Variants in NUP210 observed in about 807,000 individuals in gnomAD.
The protein encoded by NUP210 is nuclear pore membrane glycoprotein 210.
In NUP210, 151 loss-of-function variants were observed where a neutral mutation model predicts 196.0. The ratio of observed to expected loss-of-function variants is 0.77; its 90% CI spans 0.67 to 0.88. NUP210 has a LOEUF of 0.88. Among genes scored for constraint, NUP210 ranks in the 40% least tolerant of loss-of-function variants. The probability of loss-of-function intolerance (pLI) is 0.00; values close to 1 mark genes in which losing one functional copy is unlikely to be tolerated. For synonymous variants in NUP210, 1,070 were observed against 1,052.7 expected (o/e 1.02, Z -0.32); for missense variants, 2,314 against 2,493.7 (o/e 0.93, Z 1.53).
chr3:13,328,870 A>T lies in NUP210; in HGVS notation c.4187T>A (p.Val1396Glu). The T allele has an allele frequency of 6.2e-7, 1 of 1,614,200 alleles. No homozygotes were observed. Among genetic ancestry groups the T allele is most frequent in the Non-Finnish European group, 8.5e-7 (1 of 1,180,018 alleles). ...HTQNKEALVA[V>E]PLGMTVTFTV... ...GAAGGTCACGGTCATTCCCAAAGGCACGGCCACCAGGGCCTCCTTGTTCTG... is the reference window on the plus strand; with the variant it reads ...GAAGGTCACGGTCATTCCCAAAGGCTCGGCCACCAGGGCCTCCTTGTTCTG... The change falls in exon 31 of 40, where the codon GTG becomes GAG. Residue 1396 changes from valine to glutamate, a missense_variant. Coordinates refer to ENST00000254508, the MANE Select transcript of NUP210 (RefSeq NM_024923.4).
chr3:13,341,859 G>C lies in NUP210; in HGVS notation c.3117C>G (p.Asn1039Lys). 1.2e-6 allele frequency: 2 copies of C among 1,614,234 alleles called. No individual in the cohort carries two copies. Among genetic ancestry groups the C allele is most frequent in the Non-Finnish European group, 1.7e-6 (2 of 1,180,040 alleles). ...CGCGGATGAGGAATGTGATGGTGTAGTTGTCAAGGGCTTCATCAAGGGCCC... is the reference window on the plus strand; with the variant it reads ...CGCGGATGAGGAATGTGATGGTGTACTTGTCAAGGGCTTCATCAAGGGCCC... ...TLVALDEALD[N>K]YTITFLIRGV... Residue 1039 changes from asparagine (N) to lysine (K), a missense_variant, in exon 23 of 40, where the codon AAC becomes AAG. Coordinates refer to ENST00000254508, the MANE Select transcript of NUP210 (RefSeq NM_024923.4).
chr3:13,400,191 A>G (rs1468132922), intron 1 of NUP210, among the ~76,000 whole-genome samples: 1 of 152,206 alleles, frequency 6.6e-6, no homozygotes, highest in East Asian at 1.9e-4. Flanking sequence ...GGAGTCGTTC[A>G]GTACCAGCAG....
chr3:13,373,264 G>A (rs1030591509), intron 12 of NUP210, among the ~76,000 whole-genome samples: 2 of 152,202 alleles, frequency 1.3e-5, no homozygotes, highest in East Asian at 1.9e-4. Context: ...ATGTCACTTA[G>A]GGCCAAAAGC....
rs183459460 is a variant in NUP210 at position 13,412,534 on chromosome 3, C to A, written c.167+7526G>T. ...TTCGAGACCAGCCTGGCCAACATGG[C>A]GAAATCCCGTTTCTACTAAAAACAC... On this transcript the variant is annotated intron_variant, in intron 1 of 39. Coordinates refer to ENST00000254508, the MANE Select transcript of NUP210 (RefSeq NM_024923.4). Among the ~76,000 whole-genome samples the A allele has an allele frequency of 4.2e-3, 630 of 151,568 alleles. 4 individuals are homozygous for A. Among genetic ancestry groups the A allele is most frequent in the Non-Finnish European group, 7.0e-3 (472 of 67,824 alleles).
intron 18 of NUP210, 146 bp from the exon 19 acceptor site, chr3:13,352,330 C>A (rs1698007694): frequency 1.6e-6 from 1 of 615,874 alleles, no homozygotes; most frequent in Admixed American, 2.9e-5. Flanking sequence ...TGGCCACAGA[C>A]CCTTTGAGGT....
Position 13,420,044 on chromosome 3 carries a change from C to G in NUP210, c.167+16G>C. On this transcript the variant is annotated intron_variant, in intron 1 of 39. Transcript: ENST00000254508. The surrounding 1 kb of genome is among the most constrained non-coding windows in gnomAD (Gnocchi z 4.8). ...CCCGGCCCACGGCGCCCGCCCGGCCCGGCCGCGCGCCTCACCAGCGGTAGC... is the reference window on the plus strand; with the variant it reads ...CCCGGCCCACGGCGCCCGCCCGGCCGGGCCGCGCGCCTCACCAGCGGTAGC... The G allele has an allele frequency of 8.0e-7, 1 of 1,246,682 alleles. No homozygotes were observed. Among genetic ancestry groups the G allele is most frequent in the East Asian group, 4.3e-5 (1 of 23,474 alleles). The allele number at this position is 1,246,682 out of a possible 1,614,324, so 77.2% of individuals were successfully genotyped here. A position where few individuals can be genotyped will look rare whatever the true frequency, so the allele number is the denominator to read the frequency against.
At chr3:13,335,064 G>A (rs1017609027) in intron 28 of NUP210, among the ~76,000 whole-genome samples, 4 of 152,296 alleles carry the variant, frequency 2.6e-5, no homozygotes, top group South Asian at 2.1e-4. Flanking sequence ...GTGCAAGGGC[G>A]CCCCAGCCTC....
In NUP210 at chr3:13,348,078, C is replaced by T. The variant is rs1334976135; in HGVS notation, c.2835+3801G>A. Among the ~76,000 whole-genome samples the T allele has an allele frequency of 3.9e-5, 6 of 152,244 alleles. No individual in the cohort carries two copies. The South Asian group carries it at 8.3e-4, about 21-fold the overall frequency. ...ACTCTGTGCCACTCAACCAGGCCAG[C>T]GGCCATTCCACAATTCAGAAAGAGA... is the stretch of plus-strand genomic sequence containing the variant. On this transcript the variant is annotated intron_variant, in intron 20 of 39. Transcript: ENST00000254508. This position sits in a 1 kb window ranked among gnomAD's most constrained non-coding sequence, Gnocchi z 4.0.
rs1696282646 is a variant in NUP210 at position 13,316,617 on chromosome 3, G to A, written c.*1064C>T. On this transcript the variant is annotated 3_prime_UTR_variant, in exon 40 of 40. Transcript: ENST00000254508. ...CTGGGGAGTCCCTTCTGGATGGGCA[G>A]GCCCTGGGCTGGCGGCCGCCCTCCA... is the stretch of plus-strand genomic sequence containing the variant. The A allele has an allele frequency of 6.6e-6, 1 of 152,288 alleles. No homozygotes were observed. Among genetic ancestry groups the A allele is most frequent in the Non-Finnish European group, 1.5e-5 (1 of 68,064 alleles). 9.4% of individuals were successfully genotyped at this position (152,288 alleles called of 1,614,324 possible).
intron 10 of NUP210, 81 bp from the exon 11 acceptor site, chr3:13,375,722 T>C (rs920412420): frequency 1.7e-5 from 25 of 1,449,802 alleles, no homozygotes; most frequent in Non-Finnish European, 2.3e-5. Context: ...CCCCCACCCC[T>C]CCCTGGGGAT....
At chr3:13,338,465 C>T (rs1001946938) in intron 25 of NUP210, among the ~76,000 whole-genome samples, 3 of 152,224 alleles carry the variant, frequency 2.0e-5, no homozygotes, top group African/African-American at 4.8e-5. Flanking sequence ...GCTATTAAAA[C>T]CCTTAGACTC....
intron 3 of NUP210, among the ~76,000 whole-genome samples, chr3:13,394,666 T>C (rs553548081): frequency 1.1e-4 from 17 of 152,354 alleles, no homozygotes; most frequent in African/African-American, 3.6e-4. Flanking sequence ...TGAGACCATT[T>C]ATAAGCACAA....
chr3:13,394,871 C>G lies in NUP210; in HGVS notation c.436+2486G>C, dbSNP rs1423038698. 3.3e-5 allele frequency among the ~76,000 whole-genome samples: 5 copies of G among 152,264 alleles called. No homozygotes were observed. The East Asian group carries it at 9.6e-4, about 29-fold the overall frequency. ...AGGAGACTCTGATCAGAAAAGAGGT[C>G]ACAGGCTCAGAAAAAAAGGCAAAAG... is the stretch of plus-strand genomic sequence containing the variant. On this transcript the variant is annotated intron_variant, in intron 3 of 39. Transcript: ENST00000254508.
chr3:13,319,552 C>T (rs943960868), intron 37 of NUP210, among the ~76,000 whole-genome samples: 1 of 152,104 alleles, frequency 6.6e-6, no homozygotes, highest in African/African-American at 2.4e-5. Context: ...AGGGGCACAG[C>T]CCCTGTGGCT....
chr3:13,395,538 G>A (rs1239186137), intron 3 of NUP210, among the ~76,000 whole-genome samples: 3 of 152,146 alleles, frequency 2.0e-5, no homozygotes, highest in East Asian at 3.9e-4. Flanking sequence ...AGCTGGTCTC[G>A]AATTCCTGAC....
rs751372598 is a variant in NUP210, at chr3:13,388,411, G to A, written c.576C>T (p.Tyr192=). The change falls in exon 5 of 40, where the codon TAC becomes TAT. Residue 192 remains tyrosine (Y), a synonymous_variant. Coordinates refer to ENST00000254508, the MANE Select transcript of NUP210 (RefSeq NM_024923.4). ...FLESTYIPPS[Y]ISEMEKAAKQ... ...TGGCAGCCTTCTCCATCTCTGAGAT[G>A]TAAGAAGGAGGGATGTACGTAGACT... 18 of 1,612,540 alleles carry A rather than the reference G, an allele frequency of 1.1e-5. No individual in the cohort carries two copies. In the Admixed American group the frequency reaches 1.2e-4, roughly 10 times the overall value.
Position 13,376,384 on chromosome 3 carries a change from G to C in NUP210, c.1200C>G (p.Leu400=). The C allele has an allele frequency of 1.2e-6, 2 of 1,614,244 alleles. No homozygotes were observed. Among genetic ancestry groups the C allele is most frequent in the Non-Finnish European group, 1.7e-6 (2 of 1,180,034 alleles). ...GGTATGACCCATTCTGGGAGGACGA[G>C]AGCACCTCGAAGAACTCAGCAGGAA... ...TVLPAEFFEV[L]SSSQNGSYHR... is the part of the protein sequence containing the mutation. The change falls in exon 10 of 40, where the codon CTC becomes CTG. Residue 400 remains leucine, a synonymous_variant. Transcript: ENST00000254508.
At chr3:13,388,500 C>A in intron 4 of NUP210, 47 bp from the exon 5 acceptor site, 11 of 1,553,026 alleles carry the variant, frequency 7.1e-6, no homozygotes, top group African/African-American at 2.7e-5. Context: ...AACCCCAACA[C>A]AAGATTTGTC....
Position 13,319,099 on chromosome 3 carries a change from G to A in NUP210, c.5536C>T (p.Arg1846Ter), listed in dbSNP as rs1034318933. ...TGGGGGCTGTGTCCAGGGCTGGCTC[G>A]AGGCGTGAGGGCTGCAGGCACAGCA... ...DLAVPAALTPRASPGHSPHYF... is the reference protein window; with the variant it reads ...DLAVPAALTP Residue 1846 changes from arginine (R) to a stop codon, truncating the protein, a stop_gained, in exon 39 of 40, where the codon CGA becomes TGA. Transcript: ENST00000254508. LOFTEE classifies it low-confidence loss of function (END_TRUNC). The A allele has an allele frequency of 5.0e-6, 8 of 1,607,352 alleles. No individual in the cohort carries two copies. Among genetic ancestry groups the A allele is most frequent in the Middle Eastern group, 3.3e-4 (2 of 6,018 alleles).
Sources: gnomAD v4.1 joint callset for allele counts (sites outside exome capture counted in the v4.1 genomes callset) on GRCh38, gnomAD v4.1.1 for gene constraint, Gnocchi (gnomAD v3.1) non-coding constraint, MANE v1.5 for transcripts, NCBI Gene and HGNC (gene_info 2026-07-23, HGNC 2026-07-21) for gene names.